SP140: variants seen among roughly 807,000 people sequenced by gnomAD.
SP140 encodes SP140 nuclear body protein.
SP140 carries 81 observed loss-of-function variants against 125.0 expected under a neutral mutation model. The observed-to-expected ratio is 0.65, with a 90% CI of 0.54 to 0.78. The LOEUF is 0.78. SP140 is among the 30% of genes least tolerant of loss of function. The pLI is 0.00. For synonymous variants in SP140, 312 were observed against 354.0 expected, an observed-to-expected ratio of 0.88 and a Z score of 1.33; for missense variants, 858 against 1,037.0, an observed-to-expected ratio of 0.83 and a Z score of 2.37.
In SP140 at chr2:230,292,783, A is replaced by T. The variant is rs1396433291; in HGVS notation, c.1963A>T (p.Met655Leu). ...RCGGWPLRWL[M>L]ENGFLPDPPR... ...TGGCGGGTGGCCCCTACGATGGCTG[A>T]TGGAGGTATTCCAATGACAAGGGGC... The change falls in exon 20 of 27, where the codon ATG becomes TTG. Residue 655 changes from methionine (M) to leucine (L), a missense_variant. By Grantham distance (15) the Met-to-Leu change is conservative. This residue lies in a region of SP140 where 791 missense variants were observed against 869.5 expected (regional missense o/e 0.91). Transcript: ENST00000392045. 15 of 1,613,940 alleles carry T rather than the reference A, an allele frequency of 9.3e-6. No individual in the cohort carries two copies. Among genetic ancestry groups the T allele is most frequent in the African/African-American group, 2.7e-5 (2 of 74,932 alleles).
rs371318637 is a variant in SP140 at position 230,290,528 on chromosome 2, G to A, written c.1789G>A (p.Val597Met). The A allele has an allele frequency of 2.0e-5, 32 of 1,613,804 alleles. No homozygotes were observed. Among genetic ancestry groups the A allele is most frequent in the Non-Finnish European group, 2.5e-5 (30 of 1,179,950 alleles). Residue 597 changes from valine to methionine, a missense_variant, in exon 19 of 27, where the codon GTG becomes ATG. Coordinates refer to ENST00000392045, the MANE Select transcript of SP140 (RefSeq NM_007237.5). ...TTTGCTTCCAGTGACCTGTGGTGGG[G>A]TGAAGGGAATTTTACATAAGAAGAA... ...APLLPVTCGGVKGILHKKKLQ... is the reference protein window; with the variant it reads ...APLLPVTCGGMKGILHKKKLQ...
Position 230,309,918 on chromosome 2 carries a change from T to C in SP140, c.2059-6T>C, listed in dbSNP as rs2059175166. On this transcript the variant is annotated splice_polypyrimidine_tract_variant and splice_region_variant and intron_variant, in intron 22 of 26. Transcript: ENST00000392045. The stretch of plus-strand genomic sequence containing the variant: ...CCAGTGACGTGGACACTGTTTTATC[T>C]TCTAGATGAGAAACCTGGATGAGTG... 9 of 1,613,450 alleles carry C rather than the reference T, an allele frequency of 5.6e-6. No homozygotes were observed. The East Asian group carries it at 2.0e-4, about 36-fold the overall frequency.
At chr2:230,216,486 C>T (rs1420656675) in intron 3 of SP140, among the ~76,000 whole-genome samples, 1 of 152,186 alleles carries the variant, frequency 6.6e-6, no homozygotes, top group Non-Finnish European at 1.5e-5. Context: ...AGGAACCAAC[C>T]CTGTCAACAC....
chr2:230,254,036 G>A (rs2050774255), intron 11 of SP140, among the ~76,000 whole-genome samples: 1 of 152,008 alleles, frequency 6.6e-6, no homozygotes, highest in South Asian at 2.1e-4. Context: ...AGACAGAAAA[G>A]GAGAAAGTGA....
intron 7 of SP140, among the ~76,000 whole-genome samples, chr2:230,246,186 C>T (rs910572866): frequency 5.3e-5 from 8 of 152,126 alleles, no homozygotes; most frequent in African/African-American, 1.4e-4. Context: ...CTATGTCCAG[C>T]TTCTTCCTGC....
intron 12 of SP140, among the ~76,000 whole-genome samples, chr2:230,263,191 G>C (rs1341589366): frequency 1.3e-5 from 2 of 152,170 alleles, no homozygotes; most frequent in South Asian, 4.1e-4. Flanking sequence ...TGTTGGACAA[G>C]GCTTTTTACC....
Position 230,255,493 on chromosome 2 carries a change from C to G in SP140, c.1201C>G (p.Arg401Gly). 6.2e-7 allele frequency: 1 copy of G among 1,613,532 alleles called. No individual in the cohort carries two copies. The highest frequency in any genetic ancestry group is 8.5e-7 in the Non-Finnish European group (1 of 1,179,924). ...DCSEMCDGEE[R>G]QEASSSLARR... Reference sequence around the variant, plus strand: ...TTCGGAAATGTGTGATGGAGAAGAGCGCCAGGAAGCCTCTAGCTCCCTAGC... The same window carrying G: ...TTCGGAAATGTGTGATGGAGAAGAGGGCCAGGAAGCCTCTAGCTCCCTAGC... The change falls in exon 12 of 27, where the codon CGC becomes GGC. Residue 401 changes from arginine (R) to glycine (G), a missense_variant. Physicochemically the swap from Arg to Gly is moderately radical, Grantham distance 125. Transcript: ENST00000392045.
At chr2:230,247,860 A>G in intron 7 of SP140, 56 bp from the exon 8 acceptor site, 2 of 1,559,548 alleles carry the variant, frequency 1.3e-6, no homozygotes, top group Admixed American at 1.7e-5. Flanking sequence ...TCACTAATCT[A>G]GTGAAATTAT....
At chr2:230,210,683 G>T (rs1192000764) in intron 1 of SP140, among the ~76,000 whole-genome samples, 2 of 152,198 alleles carry the variant, frequency 1.3e-5, no homozygotes, top group Non-Finnish European at 2.9e-5. Flanking sequence ...GAAAGACAGA[G>T]AACTTGAAGC....
At chr2:230,264,967 C>G (rs563774932) in intron 12 of SP140, among the ~76,000 whole-genome samples, 1 of 152,220 alleles carries the variant, frequency 6.6e-6, no homozygotes, top group South Asian at 2.1e-4. Flanking sequence ...GTGGCACTTT[C>G]CAGAGAGCAT....
intron 15 of SP140, among the ~76,000 whole-genome samples, chr2:230,277,044 G>T (rs2054813350): frequency 6.6e-6 from 1 of 152,158 alleles, no homozygotes; most frequent in African/African-American, 2.4e-5. Context: ...TGGTGAAAAT[G>T]CTGTGAACAT....
chr2:230,283,973 A>G lies in SP140; in HGVS notation c.1499-373A>G, dbSNP rs891177172. 2.1e-4 allele frequency among the ~76,000 whole-genome samples: 32 copies of G among 152,340 alleles called. No homozygotes were observed. The Middle Eastern group carries it at 0.01, about 49-fold the overall frequency. On this transcript the variant is annotated intron_variant, in intron 15 of 26. Transcript: ENST00000392045. ...TTTCCAACACAGAATATTATCCATAACACCATCAACCTCAAGGAGGATGTC... is the reference window on the plus strand; with the variant it reads ...TTTCCAACACAGAATATTATCCATAGCACCATCAACCTCAAGGAGGATGTC...
upstream of SP140, among the ~76,000 whole-genome samples, chr2:230,221,406 G>A (rs1248161124): frequency 6.6e-6 from 1 of 152,154 alleles, no homozygotes; most frequent in African/African-American, 2.4e-5. Flanking sequence ...GGGAGACATG[G>A]ATCTAAAGTT....
upstream of SP140, among the ~76,000 whole-genome samples, chr2:230,201,400 G>T (rs2043172499): frequency 6.6e-6 from 1 of 152,132 alleles, no homozygotes; most frequent in Non-Finnish European, 1.5e-5. Context: ...AAAACTGCTG[G>T]TGCCTTAAGA....
chr2:230,215,561 A>C (rs989784162), intron 3 of SP140, among the ~76,000 whole-genome samples: 1 of 152,246 alleles, frequency 6.6e-6, no homozygotes. Context: ...TGTGTCTCTC[A>C]AACTTGAGAT....
intron 15 of SP140, among the ~76,000 whole-genome samples, chr2:230,276,801 A>T (rs2054779857): frequency 6.6e-6 from 1 of 152,208 alleles, no homozygotes; most frequent in Admixed American, 6.5e-5. Context: ...ATCAACATTA[A>T]CAGGAATTTA....
At chr2:230,265,510 T>C (rs892448715) in intron 12 of SP140, among the ~76,000 whole-genome samples, 7 of 152,182 alleles carry the variant, frequency 4.6e-5, no homozygotes, top group Admixed American at 6.5e-5. Flanking sequence ...CAGCTAGAGA[T>C]TGGCTTCTCC....
intron 1 of SP140, among the ~76,000 whole-genome samples, chr2:230,232,020 C>T (rs2047327665): frequency 6.6e-6 from 1 of 152,144 alleles, no homozygotes; most frequent in Admixed American, 6.5e-5. Context: ...CACCTCCACC[C>T]TTTTTAGAAG....
chr2:230,230,701 A>G (rs2047116333), intron 1 of SP140, among the ~76,000 whole-genome samples: 1 of 152,174 alleles, frequency 6.6e-6, no homozygotes, highest in Admixed American at 6.5e-5. Flanking sequence ...GATTTTTGCA[A>G]AGGTGGTTTC....
Sources: allele counts gnomAD v4.1 joint callset (sites outside exome capture counted in the v4.1 genomes callset), GRCh38; gene constraint gnomAD v4.1.1; regional missense constraint gnomAD v4.1.1; transcripts MANE v1.5; gene names NCBI Gene and HGNC (gene_info 2026-07-23, HGNC 2026-07-21).